SHB: variants seen among roughly 807,000 people sequenced by gnomAD.
SHB encodes SH2 domain containing adaptor protein B.
Under a neutral mutation model 52.3 loss-of-function variants are expected in SHB, and 20 were observed. That is an observed-to-expected ratio of 0.38 (90% CI 0.27 to 0.56). The LOEUF is 0.56. Among genes scored for constraint, SHB ranks in the 20% least tolerant of loss-of-function variants. The pLI is 0.71. For synonymous variants in SHB, 397 were observed against 316.5 expected (o/e 1.25, Z -2.70); for missense variants, 825 against 723.3 (o/e 1.14, Z -1.61).
At chr9:37,963,203 G>A (rs1253054088) in intron 3 of SHB, among the ~76,000 whole-genome samples, 1 of 152,204 alleles carries the variant, frequency 6.6e-6, no homozygotes, top group Non-Finnish European at 1.5e-5. Context: ...AAGAGAACTG[G>A]AACGGAGCAA....
intron 5 of SHB, among the ~76,000 whole-genome samples, chr9:37,933,698 G>C (rs541797174): frequency 6.6e-6 from 1 of 152,040 alleles, no homozygotes; most frequent in African/African-American, 2.4e-5. Flanking sequence ...TGTAATATCC[G>C]CAATATTTAC....
At chr9:38,032,701 T>C (rs10973647) in intron 1 of SHB, among the ~76,000 whole-genome samples, 7,070 of 152,176 alleles carry the variant, frequency 0.046, 546 homozygotes, top group African/African-American at 0.16. Context: ...ACCAGCCGTA[T>C]CCCTCCTGCC....
chr9:37,958,732 T>C (rs7038759), intron 3 of SHB, among the ~76,000 whole-genome samples: 88,117 of 151,984 alleles, frequency 0.58, 25,808 homozygotes, highest in East Asian at 0.82. Flanking sequence ...GCTGGGGCCC[T>C]AGCACACACA....
intron 3 of SHB, among the ~76,000 whole-genome samples, chr9:37,961,926 G>C (rs574770721): frequency 6.6e-6 from 1 of 152,184 alleles, no homozygotes; most frequent in African/African-American, 2.4e-5. Flanking sequence ...CCCCATGGCC[G>C]ACCTGCAGCT....
chr9:38,036,284 A>G (rs1272090696), intron 1 of SHB, among the ~76,000 whole-genome samples: 1 of 152,236 alleles, frequency 6.6e-6, no homozygotes, highest in Non-Finnish European at 1.5e-5. Context: ...TAGAACTAAC[A>G]GGGGAATGAA....
intron 1 of SHB, among the ~76,000 whole-genome samples, chr9:38,027,390 T>C (rs1821356636): frequency 6.6e-6 from 1 of 152,302 alleles, no homozygotes; most frequent in Non-Finnish European, 1.5e-5. Context: ...TGTCACATTA[T>C]GCTGGCATAG....
intron 3 of SHB, among the ~76,000 whole-genome samples, chr9:37,972,885 AAG>A (rs1490147096): frequency 6.6e-6 from 1 of 152,236 alleles, no homozygotes; most frequent in Non-Finnish European, 1.5e-5. Context: ...TATACAAAAA[AAG>A]GGGAGATTTA....
chr9:38,060,629 T>A (rs1821880840), intron 1 of SHB, among the ~76,000 whole-genome samples: 1 of 152,208 alleles, frequency 6.6e-6, no homozygotes, highest in African/African-American at 2.4e-5. Context: ...TGCACCTAGC[T>A]CAGAGTATGT....
rs551072681 is a variant in SHB at position 37,923,135 on chromosome 9, C to G, written c.1347-3131G>C. ...ACACAGTGATTATCAGCAGCAGATG[C>G]CCAGAGTCAGTGCTCCTGACCTCAG... On this transcript the variant is annotated intron_variant, in intron 5 of 5. Coordinates refer to ENST00000377707, the MANE Select transcript of SHB (RefSeq NM_003028.3). Among the ~76,000 whole-genome samples, 6 of 152,322 alleles carry G rather than the reference C, an allele frequency of 3.9e-5. 1 individual carries two copies. The highest frequency in any genetic ancestry group is 3.9e-4 in the Admixed American group (6 of 15,304).
intron 1 of SHB, among the ~76,000 whole-genome samples, chr9:38,049,323 G>A (rs985366635): frequency 6.6e-6 from 1 of 152,128 alleles, no homozygotes; most frequent in African/African-American, 2.4e-5. Flanking sequence ...CTGAAAACAG[G>A]CTCAGATGGG....
chr9:38,036,833 A>G lies in SHB; in HGVS notation c.718-20702T>C, dbSNP rs186658642. 1.7e-3 allele frequency among the ~76,000 whole-genome samples: 266 copies of G among 152,136 alleles called. 2 individuals carry two copies. Among genetic ancestry groups the G allele is most frequent in the Non-Finnish European group, 1.3e-3 (89 of 67,992 alleles). ...ACATCCCTATGGATTTGATTCTCAT[A>G]TTGTCCCCATTTTACAGATGAAAAA... On this transcript the variant is annotated intron_variant, in intron 1 of 5. Coordinates refer to ENST00000377707, the MANE Select transcript of SHB (RefSeq NM_003028.3).
At chr9:37,925,524 T>C (rs1340247492) in intron 5 of SHB, among the ~76,000 whole-genome samples, 1 of 152,224 alleles carries the variant, frequency 6.6e-6, no homozygotes, top group African/African-American at 2.4e-5. Context: ...CTGAGGCCAC[T>C]CAGCCGCCCA....
At chr9:38,065,031 CTTGAGGCTGGGAGG>C (rs1821943156) in intron 1 of SHB, among the ~76,000 whole-genome samples, 1 of 152,090 alleles carries the variant, frequency 6.6e-6, no homozygotes, top group Admixed American at 6.5e-5. Flanking sequence ...GGGAGGATTG[CTTGAGGCTGGGAGG>C]TTGAGGCTGC....
intron 1 of SHB, among the ~76,000 whole-genome samples, chr9:38,058,931 G>A (rs1415610445): frequency 1.3e-5 from 2 of 152,094 alleles, no homozygotes; most frequent in Admixed American, 6.5e-5. Flanking sequence ...GTTTGCCATC[G>A]CCTCTTTATT....
At chr9:37,962,946 G>C (rs933909624) in intron 3 of SHB, among the ~76,000 whole-genome samples, 30 of 152,272 alleles carry the variant, frequency 2.0e-4, no homozygotes, top group Admixed American at 9.1e-4. Context: ...TAAAAGTGAC[G>C]CCCGGTATGG....
intron 2 of SHB, among the ~76,000 whole-genome samples, chr9:37,977,640 C>T (rs557883591): frequency 1.2e-4 from 18 of 152,244 alleles, no homozygotes; most frequent in South Asian, 4.1e-4. Context: ...CTGTTAAGTA[C>T]GGTGGACAAC....
chr9:37,982,092 T>C (rs1820734512), intron 2 of SHB, among the ~76,000 whole-genome samples: 1 of 149,406 alleles, frequency 6.7e-6, no homozygotes, highest in Admixed American at 6.7e-5. Context: ...ACCTTCATTT[T>C]GTAAAAAAAA....
Position 38,068,003 on chromosome 9 carries a change from A to C in SHB, c.643T>G (p.Cys215Gly). 2 of 1,529,756 alleles carry C rather than the reference A, an allele frequency of 1.3e-6. No homozygotes were observed. The highest frequency in any genetic ancestry group is 1.7e-6 in the Non-Finnish European group (2 of 1,147,328). The allele number at this position is 1,529,756 out of a possible 1,614,324, so 94.8% of individuals were successfully genotyped here. ...TTGTTGAGCAGTTTCTTGCCTCCGC[A>C]GGCCGTCGGGCTCCAGGTGCGGCCG... ...AGGRTWSPTA[C>G]GGKKLLNKCA... The change falls in exon 1 of 6, where the codon TGC becomes GGC. Residue 215 changes from cysteine (C) to glycine (G), a missense_variant. Transcript: ENST00000377707.
chr9:38,068,052 G>A lies in SHB; in HGVS notation c.594C>T (p.Asp198=), dbSNP rs376412419. 1.3e-6 allele frequency: 2 copies of A among 1,495,696 alleles called. No homozygotes were observed. The highest frequency in any genetic ancestry group is 1.8e-6 in the Non-Finnish European group (2 of 1,131,830). The allele number at this position is 1,495,696 out of a possible 1,614,324, so 92.7% of individuals were successfully genotyped here. ...CGCCCGCGCAGGCGCCCCCCAGGGGGTCCCCGGCCCCACCGCCCGCGGCGC... is the reference window on the plus strand; with the variant it reads ...CGCCCGCGCAGGCGCCCCCCAGGGGATCCCCGGCCCCACCGCCCGCGGCGC... The part of the protein sequence containing the change: ...VESAAGGGAG[D]PLGGACAGGR... The change falls in exon 1 of 6, where the codon GAC becomes GAT. Residue 198 remains aspartate, a synonymous_variant. Transcript: ENST00000377707.
Sources: gnomAD v4.1 joint callset for allele counts (sites outside exome capture counted in the v4.1 genomes callset) on GRCh38, gnomAD v4.1.1 for gene constraint, MANE v1.5 for transcripts, NCBI Gene and HGNC (gene_info 2026-07-23, HGNC 2026-07-21) for gene names.